PCP4: variants seen among roughly 807,000 people sequenced by gnomAD.
PCP4 encodes the protein calmodulin regulator protein PCP4.
Under a neutral mutation model 10.0 loss-of-function variants are expected in PCP4, and 8 were observed. The ratio of observed to expected loss-of-function variants is 0.80; its 90% CI spans 0.47 to 1.45. The LOEUF (loss-of-function observed/expected upper bound fraction) is 1.45. Ranked by LOEUF, PCP4 falls within the 40% of genes most tolerant of loss-of-function variation. The pLI is 0.00. For synonymous variants in PCP4, 21 were observed against 23.0 expected (o/e 0.91, Z 0.24); for missense variants, 54 against 74.4 (o/e 0.73, Z 1.01).
intron 1 of PCP4, among the ~76,000 whole-genome samples, chr21:39,881,771 T>C (rs1221470560): frequency 6.6e-6 from 1 of 152,196 alleles, no homozygotes; most frequent in African/African-American, 2.4e-5. Flanking sequence ...AGGCATAATA[T>C]GTCTGCATCG....
Position 39,906,377 on chromosome 21 carries a change from C to T in PCP4, c.61+7850C>T, listed in dbSNP as rs2244189. Reference sequence around the variant, plus strand: ...CTATTGTATCCATAGTACCATTATCCCATCAGTTTAGTTAACTAGCCTCTG... The same window carrying T: ...CTATTGTATCCATAGTACCATTATCTCATCAGTTTAGTTAACTAGCCTCTG... On this transcript the variant is annotated intron_variant, in intron 2 of 2. Transcript: ENST00000328619. This position sits in a 1 kb window ranked among gnomAD's most constrained non-coding sequence, Gnocchi z 6.3. Among the ~76,000 whole-genome samples, 29,778 of 152,124 alleles carry T rather than the reference C, an allele frequency of 0.2. 3,450 individuals are homozygous for T. The highest frequency in any genetic ancestry group is 0.32 in the African/African-American group (13,463 of 41,486).
intron 1 of PCP4, among the ~76,000 whole-genome samples, chr21:39,868,057 G>A (rs1753455264): frequency 1.3e-5 from 2 of 152,136 alleles, no homozygotes; most frequent in African/African-American, 2.4e-5. Context: ...ATAGATCTGT[G>A]GCTCTAAGAC....
chr21:39,909,150 C>G (rs1601184814), intron 2 of PCP4, among the ~76,000 whole-genome samples: 1 of 152,138 alleles, frequency 6.6e-6, no homozygotes, highest in South Asian at 2.1e-4. Context: ...ATTTAAAATG[C>G]AGCCATTTAT....
At chr21:39,913,752 GA>G (rs2087553002) in intron 2 of PCP4, among the ~76,000 whole-genome samples, 1 of 152,136 alleles carries the variant, frequency 6.6e-6, no homozygotes, top group South Asian at 2.1e-4. Flanking sequence ...TTGCTTCACA[GA>G]CCCCCTTTGG....
intron 1 of PCP4, among the ~76,000 whole-genome samples, chr21:39,883,916 T>C (rs11909200): frequency 0.031 from 4,729 of 152,306 alleles, 243 homozygotes; most frequent in African/African-American, 0.11. Flanking sequence ...GCAATGTGAG[T>C]GTTTTTATCT....
chr21:39,898,291 G>T, intron 1 of PCP4, 185 bp from the exon 2 acceptor site: 2 of 692,026 alleles, frequency 2.9e-6, no homozygotes, highest in Non-Finnish European at 2.6e-6. Flanking sequence ...GGTCTGTGCA[G>T]CTTCAGTACA....
intron 2 of PCP4, among the ~76,000 whole-genome samples, chr21:39,911,975 T>G (rs1162533005): frequency 1.3e-5 from 2 of 152,204 alleles, no homozygotes; most frequent in African/African-American, 4.8e-5. Context: ...ACCCCGGCCA[T>G]TCACAGCTGG....
At chr21:39,907,062 A>G (rs919761664) in intron 2 of PCP4, among the ~76,000 whole-genome samples, 6 of 152,196 alleles carry the variant, frequency 3.9e-5, no homozygotes, top group African/African-American at 1.4e-4. Flanking sequence ...AAATGATAAG[A>G]TGGTTTAAAT....
chr21:39,897,382 T>C (rs1161714746), intron 1 of PCP4, among the ~76,000 whole-genome samples: 1 of 126,922 alleles, frequency 7.9e-6, no homozygotes, highest in Non-Finnish European at 1.6e-5. Flanking sequence ...TGAGACTCTG[T>C]CTCAAAAAAA....
intron 1 of PCP4, among the ~76,000 whole-genome samples, chr21:39,890,523 T>A (rs892011203): frequency 3.5e-4 from 17 of 48,874 alleles, no homozygotes; most frequent in African/African-American, 1.7e-3. Flanking sequence ...ACCCAGCTCA[T>A]TTTTTTTTTT....
intron 2 of PCP4, among the ~76,000 whole-genome samples, chr21:39,922,960 C>T (rs1200924690): frequency 6.6e-6 from 1 of 152,096 alleles, no homozygotes; most frequent in Non-Finnish European, 1.5e-5. Flanking sequence ...AGTCGGGTTT[C>T]CCCTCGTCTT....
In PCP4 at chr21:39,903,635, G is replaced by A. The variant is rs141747432; in HGVS notation, c.61+5108G>A. Among the ~76,000 whole-genome samples the A allele has an allele frequency of 6.4e-3, 978 of 152,182 alleles. 17 individuals carry two copies. Among genetic ancestry groups the A allele is most frequent in the African/African-American group, 0.021 (871 of 41,516 alleles). ...TGTAATCCCAGCACTTTGGGAGGCC[G>A]AGGCGGGCGGATCACGAGGTCAGGA... On this transcript the variant is annotated intron_variant, in intron 2 of 2. Coordinates refer to ENST00000328619, the MANE Select transcript of PCP4 (RefSeq NM_006198.3).
At chr21:39,882,632 G>A (rs2087381393) in intron 1 of PCP4, among the ~76,000 whole-genome samples, 1 of 152,238 alleles carries the variant, frequency 6.6e-6, no homozygotes, top group Non-Finnish European at 1.5e-5. Context: ...CGGAGGGACA[G>A]GCAGGCATCC....
intron 2 of PCP4, among the ~76,000 whole-genome samples, chr21:39,902,319 G>T (rs1026644292): frequency 2.0e-5 from 3 of 152,142 alleles, no homozygotes; most frequent in Non-Finnish European, 4.4e-5. Flanking sequence ...TTTAGTTGAG[G>T]TCTCCATTTA....
intron 2 of PCP4, among the ~76,000 whole-genome samples, chr21:39,925,210 C>T (rs1249709798): frequency 6.6e-6 from 1 of 152,172 alleles, no homozygotes. Flanking sequence ...GTGGCTTTCT[C>T]AGGACAGCTC....
At position 39,891,994 on chromosome 21, in the gene PCP4, C is replaced by A. The variant is rs551303591; in HGVS notation, c.10-6482C>A. 2.6e-5 allele frequency among the ~76,000 whole-genome samples: 4 copies of A among 152,330 alleles called. No individual in the cohort carries two copies. In the South Asian group the frequency reaches 8.3e-4, roughly 32 times the overall value. On this transcript the variant is annotated intron_variant, in intron 1 of 2. Coordinates refer to ENST00000328619, the MANE Select transcript of PCP4 (RefSeq NM_006198.3). ...AGGCCTCCGGATGACTGCAGGCAGGCCTGGATAATATCCAGCCTTCCACAA... is the reference window on the plus strand; with the variant it reads ...AGGCCTCCGGATGACTGCAGGCAGGACTGGATAATATCCAGCCTTCCACAA...
At position 39,906,539 on chromosome 21, in the gene PCP4, C is replaced by G. The variant is rs1166371633; in HGVS notation, c.61+8012C>G. Among the ~76,000 whole-genome samples the G allele has an allele frequency of 1.3e-5, 2 of 150,398 alleles. No homozygotes were observed. The highest frequency in any genetic ancestry group is 2.9e-5 in the Non-Finnish European group (2 of 67,990). The stretch of plus-strand genomic sequence containing the variant: ...TTCCTCACCCTTTCTCTTTCTCCCT[C>G]CTTCCTTCCTTCCGCTCCTCCTTCT... On this transcript the variant is annotated intron_variant, in intron 2 of 2. Transcript: ENST00000328619. The surrounding 1 kb of genome is among the most constrained non-coding windows in gnomAD (Gnocchi z 6.3).
chr21:39,925,991 A>G (rs1268785318), intron 2 of PCP4: 1 of 455,486 alleles, frequency 2.2e-6, no homozygotes, highest in Non-Finnish European at 4.4e-6. Context: ...GCCACAGACC[A>G]TTTGTACTGA....
intron 1 of PCP4, among the ~76,000 whole-genome samples, chr21:39,874,711 A>G (rs142036846): frequency 1.4e-5 from 2 of 145,284 alleles, no homozygotes; most frequent in African/African-American, 2.6e-5. Flanking sequence ...TCAGGTGGTT[A>G]AGTTCTAGTA....
Sources: gnomAD v4.1 joint callset for allele counts (sites outside exome capture counted in the v4.1 genomes callset) on GRCh38, gnomAD v4.1.1 for gene constraint, Gnocchi (gnomAD v3.1) non-coding constraint, MANE v1.5 for transcripts, NCBI Gene and HGNC (gene_info 2026-07-23, HGNC 2026-07-21) for gene names.